Variants in MAML2 observed in about 807,000 individuals in gnomAD.
MAML2 encodes the protein mastermind-like protein 2.
Under a neutral mutation model 96.1 loss-of-function variants are expected in MAML2, and 22 were observed. That is an observed-to-expected ratio of 0.23 (90% CI 0.16 to 0.33). The LOEUF (loss-of-function observed/expected upper bound fraction) is 0.33, where lower values mean the gene tolerates loss of function less well. Ranked by LOEUF, MAML2 falls within the 10% of genes least tolerant of loss-of-function variation. MAML2 has a pLI of 1.00. For missense variants in MAML2, 1,367 were observed against 1,392.4 expected (o/e 0.98, Z 0.29); for synonymous variants, 561 against 521.3 (o/e 1.08, Z -1.04).
At chr11:96,155,313 C>A (rs1860992316) in intron 1 of MAML2, among the ~76,000 whole-genome samples, 1 of 151,472 alleles carries the variant, frequency 6.6e-6, no homozygotes, top group African/African-American at 2.4e-5. Context: ...ATGAGATTCC[C>A]ATAAAGGAAG....
intron 2 of MAML2, among the ~76,000 whole-genome samples, chr11:96,069,779 C>T: frequency 6.6e-6 from 1 of 152,108 alleles, no homozygotes; most frequent in East Asian, 1.9e-4. Context: ...AATCCCAGCA[C>T]TTTGGGAGGC....
chr11:96,302,650 T>C (rs1863404299), intron 1 of MAML2, among the ~76,000 whole-genome samples: 1 of 152,200 alleles, frequency 6.6e-6, no homozygotes, highest in South Asian at 2.1e-4. Context: ...ACCCCCTGAT[T>C]CCTTACATTT....
chr11:96,264,336 G>A (rs1357693008), intron 1 of MAML2, among the ~76,000 whole-genome samples: 8 of 152,132 alleles, frequency 5.3e-5, no homozygotes, highest in Non-Finnish European at 1.0e-4. Context: ...CCTGACTTTT[G>A]CATGCTGCTG....
chr11:96,259,344 A>C (rs1041385512), intron 1 of MAML2, among the ~76,000 whole-genome samples: 2 of 152,118 alleles, frequency 1.3e-5, no homozygotes, highest in Admixed American at 6.6e-5. Flanking sequence ...TCCCCTTGCA[A>C]CCGTAAGTCA....
chr11:96,095,981 G>T (rs960837006), intron 1 of MAML2, among the ~76,000 whole-genome samples: 1 of 152,056 alleles, frequency 6.6e-6, no homozygotes, highest in Non-Finnish European at 1.5e-5. Flanking sequence ...ACCACATCCA[G>T]CAGAAACTCA....
At chr11:96,216,506 A>G (rs912832747) in intron 1 of MAML2, among the ~76,000 whole-genome samples, 4 of 152,100 alleles carry the variant, frequency 2.6e-5, no homozygotes, top group Non-Finnish European at 5.9e-5. Flanking sequence ...GTAGCTTTAC[A>G]TGTAGACATT....
At chr11:96,212,150 T>TGTGTGTGTGTGTGTGG (rs60072122) in intron 1 of MAML2, among the ~76,000 whole-genome samples, 11 of 127,486 alleles carry the variant, frequency 8.6e-5, no homozygotes, top group Non-Finnish European at 1.6e-4. Flanking sequence ...TGTGTGTGTG[T>TGTGTGTGTGTGTGTGG]GGAAGGGGGA....
In MAML2 at chr11:96,213,079, T is replaced by G. The variant is rs146959479; in HGVS notation, c.514-119562A>C. Among the ~76,000 whole-genome samples the G allele has an allele frequency of 1.0e-3, 158 of 152,310 alleles. 1 individual carries two copies. Among genetic ancestry groups the G allele is most frequent in the Middle Eastern group, 6.8e-3 (2 of 294 alleles). ...TATGTGGTAGGAACTATTTTTAGCC[T>G]ATTTTACAGGTGAGGTGACCAAGAT... On this transcript the variant is annotated intron_variant, in intron 1 of 4. Coordinates refer to ENST00000524717, the MANE Select transcript of MAML2 (RefSeq NM_032427.4).
chr11:96,175,738 C>T (rs1230229759), intron 1 of MAML2, among the ~76,000 whole-genome samples: 8 of 152,062 alleles, frequency 5.3e-5, no homozygotes, highest in Non-Finnish European at 8.8e-5. Flanking sequence ...CTACAGGCAC[C>T]CGCCACCATG....
intron 1 of MAML2, among the ~76,000 whole-genome samples, chr11:96,183,139 A>G (rs1413571495): frequency 6.6e-6 from 1 of 151,672 alleles, no homozygotes; most frequent in Non-Finnish European, 1.5e-5. Context: ...TTGTATTTTT[A>G]GTAGAGACAG....
chr11:96,327,823 C>T (rs569821210), intron 1 of MAML2, among the ~76,000 whole-genome samples: 4 of 152,210 alleles, frequency 2.6e-5, no homozygotes, highest in African/African-American at 7.2e-5. Context: ...AGGCCAGACA[C>T]GATGCCTCAC....
intron 1 of MAML2, among the ~76,000 whole-genome samples, chr11:96,165,549 T>TA (rs996132229): frequency 7.2e-5 from 11 of 152,308 alleles, no homozygotes; most frequent in Admixed American, 1.3e-4. Context: ...TCTGTTTTTT[T>TA]AAAAAAATGG....
chr11:96,149,049 G>A (rs1162026810), intron 1 of MAML2, among the ~76,000 whole-genome samples: 1 of 152,078 alleles, frequency 6.6e-6, no homozygotes, highest in Admixed American at 6.5e-5. Context: ...CCTCTGTGAC[G>A]AACATTGCCT....
intron 1 of MAML2, among the ~76,000 whole-genome samples, chr11:96,111,889 G>A (rs996111497): frequency 1.3e-5 from 2 of 152,016 alleles, no homozygotes. Flanking sequence ...TGCTCTGAGG[G>A]AAACATTTTA....
chr11:96,131,121 A>G (rs1431062750), intron 1 of MAML2, among the ~76,000 whole-genome samples: 1 of 152,172 alleles, frequency 6.6e-6, no homozygotes, highest in African/African-American at 2.4e-5. Context: ...GAATGGGTAA[A>G]ATATCAGCAG....
chr11:96,315,525 G>A (rs979672952), intron 1 of MAML2, among the ~76,000 whole-genome samples: 1 of 152,082 alleles, frequency 6.6e-6, no homozygotes. Flanking sequence ...ACTAGTCCTA[G>A]GATCTTGTTA....
chr11:96,335,793 T>C (rs945599363), intron 1 of MAML2, among the ~76,000 whole-genome samples: 3 of 152,148 alleles, frequency 2.0e-5, no homozygotes, highest in Non-Finnish European at 4.4e-5. Flanking sequence ...TGTGGATCAA[T>C]CTCATTTGTC....
At chr11:96,229,920 T>C (rs1375443499) in intron 1 of MAML2, among the ~76,000 whole-genome samples, 1 of 152,186 alleles carries the variant, frequency 6.6e-6, no homozygotes, top group Non-Finnish European at 1.5e-5. Flanking sequence ...TTTGGTATCC[T>C]AGAACCAGTG....
intron 1 of MAML2, among the ~76,000 whole-genome samples, chr11:96,260,796 A>C (rs1374885268): frequency 3.3e-5 from 2 of 60,618 alleles, no homozygotes; most frequent in Non-Finnish European, 8.4e-5. Context: ...ATTTGCAGGC[A>C]AAAAAAAAAA....
Sources: gnomAD v4.1 joint callset for allele counts (sites outside exome capture counted in the v4.1 genomes callset) on GRCh38, gnomAD v4.1.1 for gene constraint, MANE v1.5 for transcripts, NCBI Gene and HGNC (gene_info 2026-07-23, HGNC 2026-07-21) for gene names.